GSDMC: variants seen among roughly 807,000 people sequenced by gnomAD.
GSDMC encodes the protein gasdermin C.
Under a neutral mutation model 58.0 loss-of-function variants are expected in GSDMC, and 59 were observed. The observed-to-expected ratio is 1.02, with a 90% CI of 0.82 to 1.26. GSDMC has a LOEUF of 1.26. GSDMC is among the 50% of genes most tolerant of loss of function. The probability of loss-of-function intolerance (pLI) is 0.00; values close to 1 mark genes in which losing one functional copy is unlikely to be tolerated. For synonymous variants in GSDMC, 241 were observed against 220.2 expected (o/e 1.09, Z -0.83); for missense variants, 659 against 598.5 (o/e 1.10, Z -1.06).
chr8:129,781,846 G>A (rs80340637), intron 1 of GSDMC, among the ~76,000 whole-genome samples: 2,162 of 152,030 alleles, frequency 0.014, 59 homozygotes, highest in African/African-American at 0.049. Context: ...TTTGGACTCA[G>A]TCTGTACTAT....
intron 3 of GSDMC, among the ~76,000 whole-genome samples, chr8:129,775,546 G>A (rs2034197417): frequency 6.6e-6 from 1 of 152,072 alleles, no homozygotes; most frequent in Non-Finnish European, 1.5e-5. Context: ...TAAAGTAATA[G>A]ATATGTTAAC....
chr8:129,732,918 G>A, the GSDMC span, among the ~76,000 whole-genome samples: 10 of 152,208 alleles, frequency 6.6e-5, no homozygotes, highest in East Asian at 1.9e-4. Context: ...AAGGGAAGCC[G>A]TGACAGACTG....
downstream of GSDMC, among the ~76,000 whole-genome samples, chr8:129,745,601 C>T (rs2032942601): frequency 6.6e-6 from 1 of 151,912 alleles, no homozygotes; most frequent in South Asian, 2.1e-4. Flanking sequence ...TATTTATTTT[C>T]TCTTTTTTTC....
At chr8:129,739,598 G>A in the GSDMC span, among the ~76,000 whole-genome samples, 10 of 152,054 alleles carry the variant, frequency 6.6e-5, no homozygotes, top group Admixed American at 3.9e-4. Context: ...AAATCCTATC[G>A]CCTGCTGACG....
At chr8:129,751,971 C>T (rs959703778) in intron 8 of GSDMC, 80 bp from the exon 9 acceptor site, 31 of 1,485,378 alleles carry the variant, frequency 2.1e-5, no homozygotes, top group African/African-American at 2.8e-5. Flanking sequence ...TTTCCCTGAA[C>T]CACTCTTCTC....
intron 13 of GSDMC, 62 bp from the exon 14 acceptor site, chr8:129,748,802 G>A: frequency 7.2e-7 from 1 of 1,393,656 alleles, no homozygotes; most frequent in Non-Finnish European, 9.5e-7. Context: ...GAAGGCTTCT[G>A]CCCCAGTATC....
intron 4 of GSDMC, among the ~76,000 whole-genome samples, chr8:129,763,166 C>T (rs920536019): frequency 3.9e-5 from 6 of 152,170 alleles, no homozygotes; most frequent in African/African-American, 1.4e-4. Flanking sequence ...TTGTCTGTCT[C>T]TTTACTCATT....
In GSDMC at chr8:129,763,922, T is replaced by A. The variant is rs576540649; in HGVS notation, c.571-1191A>T. ...AATATTCTCCTGTCTTTTTGCTTAC[T>A]TTTTCCTGGAAATTTCTTCGATTTT... On this transcript the variant is annotated intron_variant, in intron 4 of 13. Transcript: ENST00000276708. Among the ~76,000 whole-genome samples, 3 of 152,282 alleles carry A rather than the reference T, an allele frequency of 2.0e-5. No individual in the cohort carries two copies. The East Asian group carries it at 5.8e-4, about 29-fold the overall frequency.
chr8:129,743,035 T>C, the GSDMC span, among the ~76,000 whole-genome samples: 2 of 152,332 alleles, frequency 1.3e-5, no homozygotes, highest in African/African-American at 4.8e-5. Context: ...GCTTTTAAAG[T>C]TATCCCTTTA....
the GSDMC span, among the ~76,000 whole-genome samples, chr8:129,713,171 C>T: frequency 1.3e-5 from 2 of 152,206 alleles, no homozygotes; most frequent in Non-Finnish European, 2.9e-5. Flanking sequence ...CACTTTTGTT[C>T]CAAATGTGGA....
intron 1 of GSDMC, among the ~76,000 whole-genome samples, chr8:129,782,013 C>T (rs541538508): frequency 3.9e-5 from 6 of 152,238 alleles, no homozygotes; most frequent in South Asian, 2.1e-4. Flanking sequence ...AATAATATAA[C>T]GTATCTTCTC....
the GSDMC span, among the ~76,000 whole-genome samples, chr8:129,714,341 A>G: frequency 6.6e-6 from 1 of 152,226 alleles, no homozygotes; most frequent in Non-Finnish European, 1.5e-5. Flanking sequence ...ATCTTTATTC[A>G]ATGAGTAAAA....
At chr8:129,706,995 C>T in the GSDMC span, 2 of 152,218 alleles carry the variant, frequency 1.3e-5, no homozygotes, top group African/African-American at 4.8e-5. Flanking sequence ...AAAGTGTTCT[C>T]TCTCCTCCAG....
chr8:129,753,468 C>T (rs1301499356), intron 6 of GSDMC, among the ~76,000 whole-genome samples: 3 of 152,128 alleles, frequency 2.0e-5, no homozygotes, highest in African/African-American at 7.2e-5. Context: ...GAATACAGAA[C>T]CATTGGGCCC....
chr8:129,728,854 T>C, the GSDMC span: 13 of 619,180 alleles, frequency 2.1e-5, no homozygotes, highest in Middle Eastern at 4.4e-4. Context: ...CTGGAGAGGC[T>C]GTTCGCCTGG....
chr8:129,769,739 CA>C (rs2033989349), intron 3 of GSDMC, among the ~76,000 whole-genome samples: 1 of 152,084 alleles, frequency 6.6e-6, no homozygotes, highest in Admixed American at 6.6e-5. Flanking sequence ...AACTAAATTT[CA>C]TTAGGAGTTT....
intron 3 of GSDMC, among the ~76,000 whole-genome samples, chr8:129,774,101 A>C (rs1422049340): frequency 6.6e-6 from 1 of 152,206 alleles, no homozygotes; most frequent in Non-Finnish European, 1.5e-5. Flanking sequence ...AGCTAAAGCA[A>C]TCTCAAGAAA....
At chr8:129,724,373 T>TTTG in the GSDMC span, among the ~76,000 whole-genome samples, 5 of 152,328 alleles carry the variant, frequency 3.3e-5, no homozygotes, top group African/African-American at 1.2e-4. Flanking sequence ...TTGGGGGTGA[T>TTTG]TTGTTATGCA....
chr8:129,779,824 C>T (rs10956494), intron 1 of GSDMC, among the ~76,000 whole-genome samples: 7,043 of 152,052 alleles, frequency 0.046, 266 homozygotes, highest in East Asian at 0.2. Flanking sequence ...AATATGTAAT[C>T]ATTCAAACAA....
Sources: allele counts gnomAD v4.1 joint callset (sites outside exome capture counted in the v4.1 genomes callset), GRCh38; gene constraint gnomAD v4.1.1; transcripts MANE v1.5; gene names NCBI Gene and HGNC (gene_info 2026-07-23, HGNC 2026-07-21).